The following ATF2 variants were observed in gnomAD, a reference collection of about 807,000 sequenced individuals.
The protein encoded by ATF2 is cyclic AMP-dependent transcription factor ATF-2.
A neutral mutation model predicts 60.6 loss-of-function variants in ATF2; 24 were observed. That is an observed-to-expected ratio of 0.40 (90% CI 0.29 to 0.56). ATF2 has a LOEUF of 0.56. Among genes scored for constraint, ATF2 ranks in the 20% least tolerant of loss-of-function variants. ATF2 has a pLI of 0.54. For missense variants in ATF2, 433 were observed against 607.7 expected, an observed-to-expected ratio of 0.71 and a Z score of 3.02; for synonymous variants, 206 against 215.4, an observed-to-expected ratio of 0.96 and a Z score of 0.38.
intron 13 of ATF2, among the ~76,000 whole-genome samples, chr2:175,076,412 A>T (rs1210483339): frequency 2.0e-5 from 3 of 151,936 alleles, no homozygotes; most frequent in Non-Finnish European, 2.9e-5. Context: ...ATGAATACTT[A>T]AAAAAAATTA....
chr2:175,116,996 G>GGTTA (rs1300350536), intron 7 of ATF2, among the ~76,000 whole-genome samples: 1 of 151,816 alleles, frequency 6.6e-6, no homozygotes, highest in Non-Finnish European at 1.5e-5. Context: ...TCAATACTGA[G>GGTTA]GGTCTAAAGC....
chr2:175,077,658 TAAGGGATG>T (rs1693433534), intron 13 of ATF2, among the ~76,000 whole-genome samples: 3 of 152,184 alleles, frequency 2.0e-5, no homozygotes, highest in African/African-American at 7.2e-5. Context: ...CAGTAAATTA[TAAGGGATG>T]AATGCTTACC....
chr2:175,078,875 T>A (rs1017321705), intron 13 of ATF2, among the ~76,000 whole-genome samples: 2 of 152,178 alleles, frequency 1.3e-5, no homozygotes, highest in Non-Finnish European at 2.9e-5. Context: ...TGAAAATTTC[T>A]ACAAAATCCA....
At chr2:175,076,781 A>C (rs1471621783) in intron 13 of ATF2, among the ~76,000 whole-genome samples, 2 of 151,772 alleles carry the variant, frequency 1.3e-5, no homozygotes, top group East Asian at 3.9e-4. Context: ...TGATTTTTAA[A>C]ATTTTTTTAT....
chr2:175,112,371 A>C (rs1279551035), intron 9 of ATF2, among the ~76,000 whole-genome samples: 1 of 141,420 alleles, frequency 7.1e-6, no homozygotes, highest in African/African-American at 2.9e-5. Flanking sequence ...TCTCTCAAAT[A>C]ATGCATTTTG....
At chr2:175,163,552 T>C (rs987373931) in intron 1 of ATF2, among the ~76,000 whole-genome samples, 1 of 152,034 alleles carries the variant, frequency 6.6e-6, no homozygotes, top group Admixed American at 6.6e-5. Flanking sequence ...AGAATGCAAA[T>C]ATGGGTGAAT....
intron 12 of ATF2, among the ~76,000 whole-genome samples, chr2:175,083,475 A>ACAT: frequency 6.6e-6 from 1 of 151,538 alleles, no homozygotes; most frequent in East Asian, 1.9e-4. Flanking sequence ...TCCCTTCCTT[A>ACAT]CTTATACAAA....
chr2:175,108,319 G>A (rs1695868436), intron 10 of ATF2, among the ~76,000 whole-genome samples: 1 of 151,882 alleles, frequency 6.6e-6, no homozygotes, highest in African/African-American at 2.4e-5. Context: ...CCGGGAGGGA[G>A]GTGGGGGGTC....
intron 1 of ATF2, among the ~76,000 whole-genome samples, chr2:175,156,237 G>A (rs548459167): frequency 1.8e-3 from 269 of 152,020 alleles, no homozygotes; most frequent in Middle Eastern, 3.4e-3. Flanking sequence ...CAGGCGTGGT[G>A]GCGGGTGCCT....
chr2:175,154,800 A>ATC (rs1699562220), intron 1 of ATF2, among the ~76,000 whole-genome samples: 1 of 152,238 alleles, frequency 6.6e-6, no homozygotes. Context: ...TGTGGGTAGA[A>ATC]TCTCTGCTGA....
Position 175,074,667 on chromosome 2 carries a change from G to A in ATF2, c.1460C>T (p.Pro487Leu). Residue 487 changes from proline to leucine, a missense_variant, in exon 14 of 14, where the codon CCT (proline) becomes CTT (leucine). Transcript: ENST00000264110. ...AGCCATAACGATCTGTGAAAGAGCAGGCTCTGTACTCTGGTCCGCCATCTG... is the reference window on the plus strand; with the variant it reads ...AGCCATAACGATCTGTGAAAGAGCAAGCTCTGTACTCTGGTCCGCCATCTG... ...LTQMADQSTE[P>L]ALSQIVMAPS... 3 of 1,613,352 alleles carry A rather than the reference G, an allele frequency of 1.9e-6. No individual in the cohort carries two copies. Among genetic ancestry groups the A allele is most frequent in the South Asian group, 1.1e-5 (1 of 91,070 alleles).
chr2:175,165,730 C>T (rs1333303836), intron 1 of ATF2, among the ~76,000 whole-genome samples: 4 of 152,182 alleles, frequency 2.6e-5, no homozygotes, highest in African/African-American at 9.7e-5. Flanking sequence ...AGTGCAGTGG[C>T]GCCATCTCGG....
At position 175,073,196 on chromosome 2, in the gene ATF2, AAAAT is replaced by A. The variant is rs1693055747; in HGVS notation, c.*1409_*1412del. On this transcript the variant is annotated 3_prime_UTR_variant, in exon 14 of 14. Coordinates refer to ENST00000264110, the MANE Select transcript of ATF2 (RefSeq NM_001880.4). ...TATGTTTAACAATTTATTCTATTTT[AAAAT>A]ATGTACTGTATTTTGAACATAACTG... 6.6e-6 allele frequency: 1 copy of A among 152,178 alleles called. No individual in the cohort carries two copies. The highest frequency in any genetic ancestry group is 2.4e-5 in the African/African-American group (1 of 41,448). The allele number at this position is 152,178 out of a possible 1,614,324, so 9.4% of individuals were successfully genotyped here.
chr2:175,092,112 A>C (rs538229114), intron 12 of ATF2, among the ~76,000 whole-genome samples: 58 of 152,326 alleles, frequency 3.8e-4, no homozygotes, highest in Non-Finnish European at 4.6e-4. Flanking sequence ...TAAATTATAA[A>C]ACTTACATTT....
chr2:175,104,227 T>A (rs950717935), intron 10 of ATF2, among the ~76,000 whole-genome samples: 2 of 152,206 alleles, frequency 1.3e-5, no homozygotes, highest in Non-Finnish European at 2.9e-5. Flanking sequence ...TGCTACTCAT[T>A]CTTCCATGTT....
At chr2:175,154,220 G>C (rs1367752693) in intron 1 of ATF2, among the ~76,000 whole-genome samples, 3 of 125,826 alleles carry the variant, frequency 2.4e-5, no homozygotes, top group Non-Finnish European at 4.9e-5. Flanking sequence ...ATCTCAAAAA[G>C]AAAAGAAAAA....
chr2:175,079,001 A>T (rs1384123450), intron 13 of ATF2, among the ~76,000 whole-genome samples: 1 of 152,136 alleles, frequency 6.6e-6, no homozygotes, highest in African/African-American at 2.4e-5. Flanking sequence ...AACAACAAAC[A>T]TATCCTATTC....
At position 175,073,711 on chromosome 2, in the gene ATF2, C is replaced by T. The variant is rs1693090692; in HGVS notation, c.*898G>A. 1 of 152,002 alleles carries T rather than the reference C, an allele frequency of 6.6e-6. No individual in the cohort carries two copies. The highest frequency in any genetic ancestry group is 1.5e-5 in the Non-Finnish European group (1 of 67,984). The allele number at this position is 152,002 out of a possible 1,614,324, so 9.4% of individuals were successfully genotyped here. A position where few individuals can be genotyped will look rare whatever the true frequency, so the allele number is the denominator to read the frequency against. On this transcript the variant is annotated 3_prime_UTR_variant, in exon 14 of 14. Transcript: ENST00000264110. ...AGTAATTTTAGGCTTTTCTGGCAAC[C>T]ATACCATACTTAATTATGCATAAAC...
chr2:175,082,959 AAGG>A (rs1693866254), intron 12 of ATF2, among the ~76,000 whole-genome samples: 1 of 152,166 alleles, frequency 6.6e-6, no homozygotes, highest in African/African-American at 2.4e-5. Context: ...GGACCTCTTC[AAGG>A]AGAACTACAA....
Sources: gnomAD v4.1 joint callset for allele counts (sites outside exome capture counted in the v4.1 genomes callset) on GRCh38, gnomAD v4.1.1 for gene constraint, MANE v1.5 for transcripts, NCBI Gene and HGNC (gene_info 2026-07-23, HGNC 2026-07-21) for gene names.